The following MYO3A variants were observed in gnomAD, a reference collection of about 807,000 sequenced individuals.
MYO3A encodes myosin-IIIa.
Under a neutral mutation model 192.7 loss-of-function variants are expected in MYO3A, and 180 were observed. The ratio of observed to expected loss-of-function variants is 0.93; its 90% CI spans 0.83 to 1.06. MYO3A has a LOEUF of 1.06. MYO3A is among the 50% of genes least tolerant of loss of function. The probability of loss-of-function intolerance (pLI) is 0.00; values close to 1 mark genes in which losing one functional copy is unlikely to be tolerated. For missense variants in MYO3A, 1,896 were observed against 1,905.0 expected, an observed-to-expected ratio of 1.00 and a Z score of 0.09; for synonymous variants, 628 against 645.3, an observed-to-expected ratio of 0.97 and a Z score of 0.41.
intron 31 of MYO3A, among the ~76,000 whole-genome samples, chr10:26,180,411 A>G (rs1451114842): frequency 6.6e-6 from 1 of 151,940 alleles, no homozygotes; most frequent in African/African-American, 2.4e-5. Context: ...CTCATAATTA[A>G]CTATAAAACA....
chr10:25,941,252 C>G (rs569566678), intron 2 of MYO3A, among the ~76,000 whole-genome samples: 1 of 152,236 alleles, frequency 6.6e-6, no homozygotes, highest in African/African-American at 2.4e-5. Context: ...TATCTAGAAC[C>G]CTGACAGTTT....
chr10:26,020,012 A>G (rs1438022594), intron 7 of MYO3A, among the ~76,000 whole-genome samples: 4 of 151,144 alleles, frequency 2.6e-5, no homozygotes, highest in Non-Finnish European at 5.9e-5. Context: ...GTCCCATCAA[A>G]CTAACTCTTA....
intron 31 of MYO3A, among the ~76,000 whole-genome samples, chr10:26,184,068 G>T (rs1384438311): frequency 6.6e-6 from 1 of 152,190 alleles, no homozygotes. Context: ...AAAAGAGAGA[G>T]AGAATTGAAC....
At chr10:26,071,726 C>T (rs144468969) in intron 14 of MYO3A, among the ~76,000 whole-genome samples, 1 of 152,088 alleles carries the variant, frequency 6.6e-6, no homozygotes, top group African/African-American at 2.4e-5. Context: ...GTCACTTCAC[C>T]AAAGAGGATA....
chr10:25,970,079 A>G (rs1003189653), intron 4 of MYO3A, among the ~76,000 whole-genome samples: 3 of 152,144 alleles, frequency 2.0e-5, no homozygotes, highest in Non-Finnish European at 4.4e-5. Context: ...AAGAGAAATG[A>G]AAAAAGAAAT....
intron 4 of MYO3A, among the ~76,000 whole-genome samples, chr10:25,969,035 C>G (rs1004752768): frequency 6.6e-6 from 1 of 152,180 alleles, no homozygotes; most frequent in Non-Finnish European, 1.5e-5. Context: ...GTCAGGAGAT[C>G]AAGACCATCC....
intron 10 of MYO3A, among the ~76,000 whole-genome samples, chr10:26,045,344 C>T (rs973105165): frequency 1.3e-5 from 2 of 150,452 alleles, no homozygotes; most frequent in African/African-American, 4.9e-5. Flanking sequence ...ACTTATTGTA[C>T]CCCTAACTTG....
At chr10:26,127,714 G>A (rs1420848160) in intron 19 of MYO3A, among the ~76,000 whole-genome samples, 1 of 149,146 alleles carries the variant, frequency 6.7e-6, no homozygotes, top group East Asian at 2.0e-4. Flanking sequence ...ACTCTACAAT[G>A]TATATATTTC....
chr10:26,028,460 T>G (rs73610385), intron 10 of MYO3A, among the ~76,000 whole-genome samples: 335 of 152,324 alleles, frequency 2.2e-3, no homozygotes, highest in African/African-American at 7.7e-3. Flanking sequence ...GAAGCAGATA[T>G]GTAGTTTATA....
At chr10:25,949,403 A>C (rs1016768414) in intron 2 of MYO3A, among the ~76,000 whole-genome samples, 2 of 152,162 alleles carry the variant, frequency 1.3e-5, no homozygotes, top group African/African-American at 4.8e-5. Flanking sequence ...CTCCTATTTC[A>C]GACCTTTAAC....
At chr10:26,098,472 A>G (rs564874755) in intron 17 of MYO3A, among the ~76,000 whole-genome samples, 1 of 152,328 alleles carries the variant, frequency 6.6e-6, no homozygotes, top group African/African-American at 2.4e-5. Context: ...TGTTTTAGAC[A>G]TGAAGTCCTT....
rs1363314697 is a variant in MYO3A, at chr10:26,157,501, T to TA, written c.2987dup (p.Asn996LysfsTer22). On this transcript the variant is annotated frameshift_variant, in exon 26 of 35. Transcript: ENST00000642920. LOFTEE classifies it high-confidence loss of function. ...GATTCTCCCATCGGATACTTTTTGC[T>TA]AACTTTATAAAGCGGTATGTGGATT... 2 of 1,614,022 alleles carry TA rather than the reference T, an allele frequency of 1.2e-6. No individual in the cohort carries two copies. Among genetic ancestry groups the TA allele is most frequent in the Non-Finnish European group, 8.5e-7 (1 of 1,179,864 alleles).
intron 2 of MYO3A, among the ~76,000 whole-genome samples, chr10:25,944,752 T>G (rs1836730178): frequency 6.6e-6 from 1 of 152,102 alleles, no homozygotes; most frequent in Admixed American, 6.5e-5. Flanking sequence ...GTAATAATTT[T>G]CCCTCTTTGA....
At chr10:25,967,903 A>G (rs557326770) in intron 4 of MYO3A, among the ~76,000 whole-genome samples, 5 of 152,244 alleles carry the variant, frequency 3.3e-5, no homozygotes, top group Non-Finnish European at 7.3e-5. Context: ...ACTGAAGCAT[A>G]GTTATCAAAA....
chr10:25,943,768 T>TTGTGTGTGTGTGTG (rs58905708), intron 2 of MYO3A, among the ~76,000 whole-genome samples: 2,351 of 142,652 alleles, frequency 0.016, 50 homozygotes, highest in Admixed American at 0.052. Context: ...GTTCTAACAT[T>TTGTGTGTGTGTGTG]TGTGTGTGTG....
intron 14 of MYO3A, among the ~76,000 whole-genome samples, chr10:26,080,536 G>GTT (rs146699943): frequency 1.1e-5 from 1 of 90,468 alleles, no homozygotes; most frequent in Non-Finnish European, 2.1e-5. Flanking sequence ...GTAAATCTGG[G>GTT]TTTTTTTTTT....
At chr10:25,938,927 A>C (rs1186611893) in intron 2 of MYO3A, among the ~76,000 whole-genome samples, 1 of 152,150 alleles carries the variant, frequency 6.6e-6, no homozygotes, top group Non-Finnish European at 1.5e-5. Context: ...CTCTTTCACC[A>C]ATAGATTTGG....
chr10:26,028,850 A>C (rs1402043732), intron 10 of MYO3A, among the ~76,000 whole-genome samples: 1 of 152,148 alleles, frequency 6.6e-6, no homozygotes, highest in Non-Finnish European at 1.5e-5. Flanking sequence ...TTGTGTCCAC[A>C]CTTGGCTTGC....
At chr10:25,942,605 T>C (rs1477363516) in intron 2 of MYO3A, among the ~76,000 whole-genome samples, 3 of 152,206 alleles carry the variant, frequency 2.0e-5, no homozygotes, top group Non-Finnish European at 4.4e-5. Context: ...CTGAAATCGC[T>C]TTCTGGGTTT....
Sources: allele counts gnomAD v4.1 joint callset (sites outside exome capture counted in the v4.1 genomes callset), GRCh38; gene constraint gnomAD v4.1.1; transcripts MANE v1.5; gene names NCBI Gene and HGNC (gene_info 2026-07-23, HGNC 2026-07-21).